The following KDM1B variants were observed in gnomAD, a reference collection of about 807,000 sequenced individuals.
KDM1B encodes lysine-specific histone demethylase 2.
Under a neutral mutation model 107.4 loss-of-function variants are expected in KDM1B, and 63 were observed. The ratio of observed to expected loss-of-function variants is 0.59; its 90% CI spans 0.48 to 0.72. The LOEUF (loss-of-function observed/expected upper bound fraction) is 0.72. Among genes scored for constraint, KDM1B ranks in the 30% least tolerant of loss-of-function variants. KDM1B has a pLI of 0.00. For missense variants in KDM1B, 749 were observed against 1,020.8 expected (o/e 0.73, Z 3.63); for synonymous variants, 363 against 363.9 (o/e 1.00, Z 0.03).
rs1389281522 is a variant in KDM1B at position 18,172,443 on chromosome 6, G to GAAAATCTGAAATGTTCC, written c.534+976_534+992dup. On this transcript the variant is annotated intron_variant, in intron 7 of 21. Transcript: ENST00000650836. This position sits in a 1 kb window ranked among gnomAD's most constrained non-coding sequence, Gnocchi z 5.2. ...TGGTGCAGGTTGAGCACCCTAGTCT[G>GAAAATCTGAAATGTTCC]AAAATCTGAAATGTTCCAAAATCTG... Among the ~76,000 whole-genome samples the GAAAATCTGAAATGTTCC allele has an allele frequency of 6.6e-6, 1 of 152,166 alleles. No individual in the cohort carries two copies. The highest frequency in any genetic ancestry group is 1.9e-4 in the East Asian group (1 of 5,196).
At chr6:18,210,586 C>T (rs145302659) in intron 17 of KDM1B, among the ~76,000 whole-genome samples, 130 of 151,900 alleles carry the variant, frequency 8.6e-4, no homozygotes, top group Middle Eastern at 3.4e-3. Flanking sequence ...GTCTTGAACT[C>T]GTGGTCTTAA....
chr6:18,220,556 A>G (rs916712093), intron 21 of KDM1B, among the ~76,000 whole-genome samples: 3 of 152,188 alleles, frequency 2.0e-5, no homozygotes, highest in African/African-American at 7.2e-5. Flanking sequence ...AAAACAAAAC[A>G]AAAGAATGAC....
chr6:18,205,640 C>T lies in KDM1B; in HGVS notation c.1635C>T (p.Tyr545=), dbSNP rs1203627507. ...VLQFHLSNLE[Y]ACGSNLHQVS... ...AGTTCCATCTCAGTAACCTGGAGTA[C>T]GCCTGTGGCAGCAACCTTCACCAGG... Residue 545 remains tyrosine, a synonymous_variant, in exon 15 of 22, where the codon TAC becomes TAT. Transcript: ENST00000650836. The surrounding 1 kb of genome is among the most constrained non-coding windows in gnomAD (Gnocchi z 5.7). The T allele has an allele frequency of 9.8e-6, 15 of 1,524,698 alleles. No individual in the cohort carries two copies. Among genetic ancestry groups the T allele is most frequent in the East Asian group, 5.0e-5 (2 of 39,708 alleles). 94.4% of individuals were successfully genotyped at this position (1,524,698 alleles called of 1,614,324 possible).
Position 18,201,687 on chromosome 6 carries a change from C to A in KDM1B, c.1531+30C>A. On this transcript the variant is annotated intron_variant, in intron 14 of 21. Coordinates refer to ENST00000650836, the MANE Select transcript of KDM1B (RefSeq NM_001364614.2). The surrounding 1 kb of genome is among the most constrained non-coding windows in gnomAD (Gnocchi z 4.3). ...GGGGAGAACGGTGTTCTGATTGTTC[C>A]ATCTCAGTTTCGTTGTTACCTAAGC... The A allele has an allele frequency of 6.6e-7, 1 of 1,511,296 alleles. No homozygotes were observed. Among genetic ancestry groups the A allele is most frequent in the South Asian group, 1.3e-5 (1 of 78,380 alleles). The allele number at this position is 1,511,296 out of a possible 1,614,324, so 93.6% of individuals were successfully genotyped here.
In KDM1B at chr6:18,187,786, T is replaced by C; in HGVS notation, c.574-6T>C. 5 of 1,536,582 alleles carry C rather than the reference T, an allele frequency of 3.3e-6. No homozygotes were observed. Among genetic ancestry groups the C allele is most frequent in the Non-Finnish European group, 3.5e-6 (4 of 1,134,394 alleles). ...GTCTCTCTTCTTCCTGTCTGGCCCA[T>C]TGCAGAGAGTATTGGAAGTTTCCAA... On this transcript the variant is annotated splice_region_variant and splice_polypyrimidine_tract_variant and intron_variant, in intron 8 of 21. Transcript: ENST00000650836.
At chr6:18,168,807 G>A (rs546337485) in intron 6 of KDM1B, among the ~76,000 whole-genome samples, 1 of 152,140 alleles carries the variant, frequency 6.6e-6, no homozygotes, top group African/African-American at 2.4e-5. Flanking sequence ...GCAACCTTTC[G>A]TATGCTTGTT....
At chr6:18,180,916 T>C (rs1342569544) in intron 7 of KDM1B, among the ~76,000 whole-genome samples, 2 of 152,212 alleles carry the variant, frequency 1.3e-5, no homozygotes, top group Admixed American at 1.3e-4. Flanking sequence ...TAAACTGTAA[T>C]TGGAGTGATC....
At position 18,200,463 on chromosome 6, in the gene KDM1B, A is replaced by C. The variant is rs760139974; in HGVS notation, c.1246A>C (p.Arg416=). The C allele has an allele frequency of 2.5e-6, 4 of 1,614,108 alleles. No homozygotes were observed. The highest frequency in any genetic ancestry group is 3.4e-6 in the Non-Finnish European group (4 of 1,179,998). The part of the protein sequence containing the change: ...IKVTVLEAKD[R]IGGRVWDDKS... Reference sequence around the variant, plus strand: ...GGTGACTGTCCTGGAAGCCAAAGACAGAATTGGAGGCCGAGTCTGGGATGA... The same window carrying C: ...GGTGACTGTCCTGGAAGCCAAAGACCGAATTGGAGGCCGAGTCTGGGATGA... The change falls in exon 13 of 22, where the codon AGA becomes CGA. Residue 416 remains arginine (R), a synonymous_variant. Coordinates refer to ENST00000650836, the MANE Select transcript of KDM1B (RefSeq NM_001364614.2). This position sits in a 1 kb window ranked among gnomAD's most constrained non-coding sequence, Gnocchi z 4.3.
At position 18,200,486 on chromosome 6, in the gene KDM1B, T is replaced by C. The variant is rs1174910422; in HGVS notation, c.1269T>C (p.Asp423=). 6.2e-7 allele frequency: 1 copy of C among 1,614,172 alleles called. No homozygotes were observed. Among genetic ancestry groups the C allele is most frequent in the South Asian group, 1.1e-5 (1 of 91,084 alleles). Residue 423 remains aspartate, a synonymous_variant, in exon 13 of 22, where the codon GAT becomes GAC. Transcript: ENST00000650836. This position sits in a 1 kb window ranked among gnomAD's most constrained non-coding sequence, Gnocchi z 4.3. ...ACAGAATTGGAGGCCGAGTCTGGGA[T>C]GATAAATCTTTTAAAGGCGTCACAG... ...AKDRIGGRVW[D]DKSFKGVTVG...
intron 21 of KDM1B, among the ~76,000 whole-genome samples, chr6:18,218,512 C>CATTT (rs1298911869): frequency 6.6e-6 from 1 of 152,146 alleles, no homozygotes; most frequent in Non-Finnish European, 1.5e-5. Context: ...GTCTCTGCAC[C>CATTT]ATTTGCTCAA....
chr6:18,177,083 A>C (rs1205980680), intron 7 of KDM1B, among the ~76,000 whole-genome samples: 1 of 152,184 alleles, frequency 6.6e-6, no homozygotes, highest in African/African-American at 2.4e-5. Flanking sequence ...TCTGCTGTGA[A>C]TCCATCTGGT....
chr6:18,184,373 C>G (rs943632375), intron 7 of KDM1B, among the ~76,000 whole-genome samples: 4 of 148,130 alleles, frequency 2.7e-5, no homozygotes, highest in African/African-American at 1.0e-4. Context: ...CTTCCAGGTT[C>G]AAGTGATTCT....
In KDM1B at chr6:18,161,532, G is replaced by A. The variant is rs1466789863; in HGVS notation, c.215+78G>A. The A allele has an allele frequency of 6.0e-6, 9 of 1,506,688 alleles. No homozygotes were observed. In the African/African-American group the frequency reaches 6.9e-5, roughly 12 times the overall value. The allele number at this position is 1,506,688 out of a possible 1,614,324, so 93.3% of individuals were successfully genotyped here. A position where few individuals can be genotyped will look rare whatever the true frequency, so the allele number is the denominator to read the frequency against. ...TGTGGAAACATCATCCTTGTAGATA[G>A]TTTTCCTAAAGATAGATACAGATAC... On this transcript the variant is annotated intron_variant, in intron 4 of 21. Transcript: ENST00000650836.
chr6:18,200,228 G>GT lies in KDM1B; in HGVS notation c.1222-206dup, dbSNP rs1410010135. On this transcript the variant is annotated intron_variant, in intron 12 of 21. Coordinates refer to ENST00000650836, the MANE Select transcript of KDM1B (RefSeq NM_001364614.2). This position sits in a 1 kb window ranked among gnomAD's most constrained non-coding sequence, Gnocchi z 4.3. The stretch of plus-strand genomic sequence containing the variant: ...AGTGATTCTTTCAACAGACCACTCA[G>GT]TTTTTCCTCGCTAGAGTCTAGATGG... Among the ~76,000 whole-genome samples the GT allele has an allele frequency of 6.6e-6, 1 of 152,154 alleles. No homozygotes were observed. Among genetic ancestry groups the GT allele is most frequent in the African/African-American group, 2.4e-5 (1 of 41,438 alleles).
intron 20 of KDM1B, among the ~76,000 whole-genome samples, chr6:18,217,405 G>A (rs1372269508): frequency 7.0e-6 from 1 of 143,032 alleles, no homozygotes; most frequent in Non-Finnish European, 1.5e-5. Flanking sequence ...TTGAGATGGA[G>A]TCTGGCTCTG....
chr6:18,210,293 G>A (rs951053319), intron 17 of KDM1B, among the ~76,000 whole-genome samples: 2 of 133,986 alleles, frequency 1.5e-5, no homozygotes, highest in African/African-American at 5.5e-5. Context: ...TATATCATTT[G>A]CCTATTTGTT....
In KDM1B at chr6:18,201,444, TC is replaced by T; in HGVS notation, c.1360-40del. Reference sequence around the variant, plus strand: ...AGCTTAGAACCTGTAAATATTTTTTTCCAGGGAAAATTTTCACCTTCTTATT... The same window carrying T: ...AGCTTAGAACCTGTAAATATTTTTTTCAGGGAAAATTTTCACCTTCTTATT... On this transcript the variant is annotated intron_variant, in intron 13 of 21. Coordinates refer to ENST00000650836, the MANE Select transcript of KDM1B (RefSeq NM_001364614.2). This position sits in a 1 kb window ranked among gnomAD's most constrained non-coding sequence, Gnocchi z 4.3. 3 of 1,446,982 alleles carry T rather than the reference TC, an allele frequency of 2.1e-6. No homozygotes were observed. The highest frequency in any genetic ancestry group is 2.8e-6 in the Non-Finnish European group (3 of 1,071,608). 89.6% of individuals were successfully genotyped at this position (1,446,982 alleles called of 1,614,324 possible).
At chr6:18,221,768 TACGATGGGTG>T (rs1789768739) in intron 21 of KDM1B, 131 bp from the exon 22 acceptor site, 1 of 673,726 alleles carries the variant, frequency 1.5e-6, no homozygotes, top group Non-Finnish European at 2.6e-6. Flanking sequence ...GTTCCAGTGT[TACGATGGGTG>T]AGTGTGAATA....
Position 18,185,585 on chromosome 6 carries a change from G to A in KDM1B, c.535-187G>A, listed in dbSNP as rs550364514. Among the ~76,000 whole-genome samples, 5 of 152,082 alleles carry A rather than the reference G, an allele frequency of 3.3e-5. No individual in the cohort carries two copies. In the South Asian group the frequency reaches 1.0e-3, roughly 32 times the overall value. ...CCAAACTGCTGCTCAACCTCCCGAA[G>A]TGCTGGGATTATAGGCGTGAGCCAC... On this transcript the variant is annotated intron_variant, in intron 7 of 21. Coordinates refer to ENST00000650836, the MANE Select transcript of KDM1B (RefSeq NM_001364614.2).
Sources: allele counts gnomAD v4.1 joint callset (sites outside exome capture counted in the v4.1 genomes callset), GRCh38; gene constraint gnomAD v4.1.1; non-coding constraint Gnocchi (gnomAD v3.1); transcripts MANE v1.5; gene names NCBI Gene and HGNC (gene_info 2026-07-23, HGNC 2026-07-21).